Variants in SATB2 observed in about 807,000 individuals in gnomAD.
The protein encoded by SATB2 is SATB homeobox 2.
A neutral mutation model predicts 73.4 loss-of-function variants in SATB2; 1 was observed. The ratio of observed to expected loss-of-function variants is 0.01; its 90% CI spans 0.00 to 0.06. The LOEUF (loss-of-function observed/expected upper bound fraction) is 0.06, where lower values mean the gene tolerates loss of function less well. SATB2 is among the 10% of genes least tolerant of loss of function. The pLI, the probability that SATB2 is intolerant of heterozygous loss-of-function variation, is 1.00. For missense variants in SATB2, 459 were observed against 945.8 expected (o/e 0.49, Z 6.75); for synonymous variants, 397 against 367.0 (o/e 1.08, Z -0.93).
chr2:199,415,261 T>G (rs1292403799), intron 3 of SATB2, among the ~76,000 whole-genome samples: 3 of 152,240 alleles, frequency 2.0e-5, no homozygotes, highest in African/African-American at 7.2e-5. Flanking sequence ...AGTTGTAAGC[T>G]TGTTATCTGA....
At chr2:199,280,235 C>A (rs190140890) in intron 10 of SATB2, among the ~76,000 whole-genome samples, 2 of 152,170 alleles carry the variant, frequency 1.3e-5, no homozygotes, top group Non-Finnish European at 2.9e-5. Context: ...CGATCAATAC[C>A]CTTGTGATTT....
At chr2:199,330,520 T>G (rs1688159375) in intron 7 of SATB2, among the ~76,000 whole-genome samples, 1 of 152,170 alleles carries the variant, frequency 6.6e-6, no homozygotes, top group African/African-American at 2.4e-5. Context: ...AGGTAGGATG[T>G]GTATGTAAAA....
chr2:199,375,754 C>T (rs574889476), intron 5 of SATB2, among the ~76,000 whole-genome samples: 1 of 152,236 alleles, frequency 6.6e-6, no homozygotes, highest in African/African-American at 2.4e-5. Context: ...CCTTTCTCAC[C>T]TAAGGTGAGT....
chr2:199,365,423 T>C lies in SATB2; in HGVS notation c.700+3182A>G, dbSNP rs1246577107. On this transcript the variant is annotated intron_variant, in intron 6 of 10. Transcript: ENST00000417098. ...GGTCTTAGACCTTGAAACCAGAGTA[T>C]ACACACTGTCTCCCTATCTATTCTG... 3.9e-5 allele frequency among the ~76,000 whole-genome samples: 6 copies of C among 152,132 alleles called. No homozygotes were observed. In the East Asian group the frequency reaches 1.2e-3, roughly 29 times the overall value.
intron 2 of SATB2, among the ~76,000 whole-genome samples, chr2:199,436,503 T>A (rs1691657626): frequency 6.6e-6 from 1 of 151,972 alleles, no homozygotes; most frequent in African/African-American, 2.4e-5. Flanking sequence ...AACGTATGTA[T>A]GATAATAGGG....
intron 9 of SATB2, among the ~76,000 whole-genome samples, chr2:199,319,682 G>A (rs1687831443): frequency 6.6e-6 from 1 of 151,178 alleles, no homozygotes. Flanking sequence ...AAACCTAGTA[G>A]GAAAAAACAA....
intron 5 of SATB2, among the ~76,000 whole-genome samples, chr2:199,371,393 CA>C (rs942339880): frequency 6.6e-6 from 1 of 151,934 alleles, no homozygotes; most frequent in African/African-American, 2.4e-5. Flanking sequence ...AACATGAACC[CA>C]GCATGTGCTA....
chr2:199,355,184 A>G (rs1424393440), intron 6 of SATB2, among the ~76,000 whole-genome samples: 1 of 151,082 alleles, frequency 6.6e-6, no homozygotes, highest in Non-Finnish European at 1.5e-5. Context: ...ACACACACAC[A>G]CATATACACA....
At chr2:199,428,566 A>C (rs890567335) in intron 3 of SATB2, among the ~76,000 whole-genome samples, 6 of 152,196 alleles carry the variant, frequency 3.9e-5, no homozygotes, top group African/African-American at 1.2e-4. Flanking sequence ...CGCCTCTGGG[A>C]AAATTACTCC....
chr2:199,270,983 A>G lies in SATB2; in HGVS notation c.*1228T>C, dbSNP rs1167843964. The G allele has an allele frequency of 6.6e-6, 1 of 152,348 alleles. No individual in the cohort carries two copies. Among genetic ancestry groups the G allele is most frequent in the East Asian group, 1.9e-4 (1 of 5,330 alleles). The allele number at this position is 152,348 out of a possible 1,614,324, so 9.4% of individuals were successfully genotyped here. A position where few individuals can be genotyped will look rare whatever the true frequency, so the allele number is the denominator to read the frequency against. Reference sequence around the variant, plus strand: ...AAGAGGAAGCCCAAAGTGAAGCAGAAATCAGAAATGTCTTTTGGGAGAGGG... The same window carrying G: ...AAGAGGAAGCCCAAAGTGAAGCAGAGATCAGAAATGTCTTTTGGGAGAGGG... On this transcript the variant is annotated 3_prime_UTR_variant, in exon 11 of 11. Transcript: ENST00000417098.
At chr2:199,373,552 A>G (rs1309867685) in intron 5 of SATB2, among the ~76,000 whole-genome samples, 12 of 151,996 alleles carry the variant, frequency 7.9e-5, no homozygotes, top group Admixed American at 7.9e-4. Flanking sequence ...GCTGTTGCTG[A>G]ATGGCTTGCT....
At chr2:199,422,276 T>C (rs1691195020) in intron 3 of SATB2, among the ~76,000 whole-genome samples, 1 of 151,844 alleles carries the variant, frequency 6.6e-6, no homozygotes, top group South Asian at 2.1e-4. Flanking sequence ...TGAGGGAATT[T>C]TGTCTTCTAC....
At chr2:199,329,378 C>T (rs1165738928) in intron 7 of SATB2, 1 of 155,830 alleles carries the variant, frequency 6.4e-6, no homozygotes, top group Non-Finnish European at 1.4e-5. Context: ...AAAAAACTGG[C>T]TGAATTTCTG....
rs532416594 is a variant in SATB2 at position 199,308,773 on chromosome 2, G to A, written c.1727C>T (p.Pro576Leu). ...ERMQHVVQLP[P>L]EPVQVLHRQQ... The stretch of plus-strand genomic sequence containing the variant: ...GGGGACACTGACCTGCACCGGCTCA[G>A]GGGGAAGCTGGACCACGTGTTGCAT... The change falls in exon 10 of 11, where the codon CCT becomes CTT. Residue 576 changes from proline to leucine, a missense_variant. Physicochemically the swap from Pro to Leu is moderately conservative, Grantham distance 98. Around this residue, in one of 13 missense-constraint regions of SATB2, gnomAD observed 74 missense variants for 136.1 expected, o/e 0.54. Transcript: ENST00000417098. The surrounding 1 kb of genome is among the most constrained non-coding windows in gnomAD (Gnocchi z 4.6). 1.2e-6 allele frequency: 2 copies of A among 1,614,008 alleles called. No homozygotes were observed. Among genetic ancestry groups the A allele is most frequent in the South Asian group, 1.1e-5 (1 of 91,074 alleles).
At chr2:199,459,687 T>G (rs1692424423), upstream of SATB2, 1 of 152,696 alleles carries the variant, frequency 6.5e-6, no homozygotes, top group African/African-American at 2.4e-5. This position sits in a 1 kb window ranked among gnomAD's most constrained non-coding sequence, Gnocchi z 4.2. Context: ...GAGCCACCGA[T>G]CCCCCTTAAG....
intron 7 of SATB2, among the ~76,000 whole-genome samples, chr2:199,335,337 T>C (rs1468885269): frequency 2.0e-5 from 3 of 152,146 alleles, no homozygotes; most frequent in African/African-American, 7.2e-5. Flanking sequence ...AAAGTAACAT[T>C]TGCAGACAAA....
intron 10 of SATB2, among the ~76,000 whole-genome samples, chr2:199,278,142 G>C (rs532522855): frequency 8.5e-5 from 13 of 152,292 alleles, no homozygotes; most frequent in African/African-American, 2.9e-4. Flanking sequence ...CTCAGAGAAG[G>C]CTCCCTACAG....
intron 3 of SATB2, among the ~76,000 whole-genome samples, chr2:199,382,363 C>T (rs1296720790): frequency 2.0e-5 from 3 of 152,144 alleles, no homozygotes; most frequent in Non-Finnish European, 4.4e-5. Context: ...GGGTTGCTTT[C>T]CCAGGCCAAA....
chr2:199,427,066 C>T (rs781120774), intron 3 of SATB2, among the ~76,000 whole-genome samples: 5 of 151,942 alleles, frequency 3.3e-5, no homozygotes, highest in Non-Finnish European at 7.4e-5. Flanking sequence ...TTAGTAGAGA[C>T]GGGGTTTTGC....
Sources: gnomAD v4.1 joint callset for allele counts (sites outside exome capture counted in the v4.1 genomes callset) on GRCh38, gnomAD v4.1.1 for gene constraint, gnomAD v4.1.1 regional missense constraint, Gnocchi (gnomAD v3.1) non-coding constraint, MANE v1.5 for transcripts, NCBI Gene and HGNC (gene_info 2026-07-23, HGNC 2026-07-21) for gene names.